Variants in SPRED1 observed in about 807,000 individuals in gnomAD.
The protein encoded by SPRED1 is sprouty related EVH1 domain containing 1.
A neutral mutation model predicts 52.3 loss-of-function variants in SPRED1; 18 were observed. The observed-to-expected ratio is 0.34, with a 90% confidence interval of 0.24 to 0.51. The LOEUF (loss-of-function observed/expected upper bound fraction) is 0.51, where lower values mean the gene tolerates loss of function less well. Among genes scored for constraint, SPRED1 ranks in the 20% least tolerant of loss-of-function variants. The pLI is 0.97. For synonymous variants in SPRED1, 155 were observed against 179.7 expected, an observed-to-expected ratio of 0.86 and a Z score of 1.10; for missense variants, 485 against 551.0, an observed-to-expected ratio of 0.88 and a Z score of 1.20.
chr15:38,277,457 T>G (rs1194887398), intron 1 of SPRED1, among the ~76,000 whole-genome samples: 1 of 152,250 alleles, frequency 6.6e-6, no homozygotes, highest in Non-Finnish European at 1.5e-5. Context: ...ATCTCATTCC[T>G]TTTTATGGCT....
chr15:38,299,350 C>A, intron 1 of SPRED1, 23 bp from the exon 2 acceptor site: 2 of 1,613,464 alleles, frequency 1.2e-6, no homozygotes, highest in Non-Finnish European at 1.7e-6. Flanking sequence ...AAAGCTAATT[C>A]CTGATCTTTG....
chr15:38,257,892 G>A (rs961940613), intron 1 of SPRED1, among the ~76,000 whole-genome samples: 1 of 152,202 alleles, frequency 6.6e-6, no homozygotes, highest in Non-Finnish European at 1.5e-5. Context: ...AGGGGAAAGT[G>A]TAACAATTTA....
intron 1 of SPRED1, among the ~76,000 whole-genome samples, chr15:38,281,038 T>C (rs1442424749): frequency 2.0e-5 from 3 of 152,202 alleles, no homozygotes; most frequent in African/African-American, 7.2e-5. Flanking sequence ...CAGGTTGAAC[T>C]TGGAGAAGAG....
chr15:38,308,459 C>T (rs142407855), intron 2 of SPRED1, among the ~76,000 whole-genome samples: 6 of 152,272 alleles, frequency 3.9e-5, no homozygotes, highest in African/African-American at 1.2e-4. Flanking sequence ...GTTTAACAAC[C>T]ACAAGAATCT....
chr15:38,293,909 A>C (rs997223742), intron 1 of SPRED1, among the ~76,000 whole-genome samples: 1 of 152,206 alleles, frequency 6.6e-6, no homozygotes, highest in African/African-American at 2.4e-5. Context: ...ATCAAATATG[A>C]ATACTAGTAA....
intron 5 of SPRED1, among the ~76,000 whole-genome samples, chr15:38,344,296 A>G (rs1482642106): frequency 6.6e-6 from 1 of 152,218 alleles, no homozygotes; most frequent in East Asian, 1.9e-4. Context: ...AATGTAACAC[A>G]GGGATGTTAT....
chr15:38,326,895 G>A (rs1476171159), intron 4 of SPRED1, among the ~76,000 whole-genome samples: 2 of 152,142 alleles, frequency 1.3e-5, no homozygotes, highest in East Asian at 3.9e-4. Context: ...ATTATTCCCA[G>A]GTCCTAAGTT....
chr15:38,318,480 AT>A (rs1895533722), intron 2 of SPRED1, among the ~76,000 whole-genome samples: 1 of 152,100 alleles, frequency 6.6e-6, no homozygotes, highest in South Asian at 2.1e-4. Flanking sequence ...CAAGGGGTAC[AT>A]GTGCAGATTT....
chr15:38,331,456 A>G (rs992680267), intron 4 of SPRED1, among the ~76,000 whole-genome samples: 2 of 152,086 alleles, frequency 1.3e-5, no homozygotes, highest in Non-Finnish European at 2.9e-5. Flanking sequence ...AAAAAAAAAT[A>G]GAAGTTTGTC....
At chr15:38,327,234 GA>G (rs1386676037) in intron 4 of SPRED1, among the ~76,000 whole-genome samples, 1 of 152,186 alleles carries the variant, frequency 6.6e-6, no homozygotes, top group East Asian at 1.9e-4. Context: ...GACTTTTAGG[GA>G]GTCATGGGAG....
intron 1 of SPRED1, among the ~76,000 whole-genome samples, chr15:38,276,959 G>A (rs928955326): frequency 6.6e-6 from 1 of 152,128 alleles, no homozygotes; most frequent in Non-Finnish European, 1.5e-5. Context: ...ATATTTTTGT[G>A]CTAGTTTATA....
At chr15:38,308,394 T>G (rs1315250728) in intron 2 of SPRED1, among the ~76,000 whole-genome samples, 1 of 152,222 alleles carries the variant, frequency 6.6e-6, no homozygotes, top group Non-Finnish European at 1.5e-5. Context: ...GTGTATTTTA[T>G]TTAAGTCTGT....
intron 1 of SPRED1, among the ~76,000 whole-genome samples, chr15:38,283,958 T>C (rs1039379648): frequency 1.3e-5 from 2 of 152,198 alleles, no homozygotes; most frequent in Non-Finnish European, 2.9e-5. Flanking sequence ...AGAGCTCAGA[T>C]CACTTTATTT....
intron 5 of SPRED1, among the ~76,000 whole-genome samples, chr15:38,340,987 G>A (rs1896016983): frequency 8.1e-6 from 1 of 123,508 alleles, no homozygotes; most frequent in Non-Finnish European, 1.7e-5. Flanking sequence ...GAAGCCACCT[G>A]GGCCTGGATT....
chr15:38,254,051 T>C (rs979619477), intron 1 of SPRED1, among the ~76,000 whole-genome samples: 2 of 152,184 alleles, frequency 1.3e-5, no homozygotes, highest in African/African-American at 4.8e-5. Context: ...GTCTTTTAAA[T>C]GTTTTGCTTT....
chr15:38,334,290 G>A (rs1447032563), intron 4 of SPRED1, among the ~76,000 whole-genome samples: 1 of 152,000 alleles, frequency 6.6e-6, no homozygotes, highest in African/African-American at 2.4e-5. Context: ...CTTCAAGATA[G>A]GGTTTATCTG....
chr15:38,254,589 C>T (rs1894052462), intron 1 of SPRED1, among the ~76,000 whole-genome samples: 1 of 152,192 alleles, frequency 6.6e-6, no homozygotes, highest in Non-Finnish European at 1.5e-5. Context: ...GCTTATTTGT[C>T]TGTGTGTAGA....
At chr15:38,331,180 A>G (rs894433662) in intron 4 of SPRED1, among the ~76,000 whole-genome samples, 4 of 152,116 alleles carry the variant, frequency 2.6e-5, no homozygotes, top group African/African-American at 9.6e-5. Context: ...TGCATTAACT[A>G]TTGGCATGGG....
rs1345810751 is a variant in SPRED1, at chr15:38,351,504, C to T, written c.1175C>T (p.Ser392Leu). 1.9e-6 allele frequency: 3 copies of T among 1,614,062 alleles called. No individual in the cohort carries two copies. The highest frequency in any genetic ancestry group is 1.7e-5 in the Admixed American group (1 of 60,002). The change falls in exon 7 of 7, where the codon TCG becomes TTG. Residue 392 changes from serine (S) to leucine (L), a missense_variant. By Grantham distance (145) the Ser-to-Leu change is moderately radical. Transcript: ENST00000299084. Reference protein sequence around the residue: ...DSEGDFSDPCSCDTSDDKFCL... With the variant: ...DSEGDFSDPCLCDTSDDKFCL... The stretch of plus-strand genomic sequence containing the variant: ...GAGGGAGATTTTTCTGATCCCTGTT[C>T]GTGTGACACTAGCGACGACAAGTTC...
Sources: gnomAD v4.1 joint callset for allele counts (sites outside exome capture counted in the v4.1 genomes callset) on GRCh38, gnomAD v4.1.1 for gene constraint, MANE v1.5 for transcripts, NCBI Gene and HGNC (gene_info 2026-07-23, HGNC 2026-07-21) for gene names.